RPS6KC1: variants seen among roughly 807,000 people sequenced by gnomAD.
RPS6KC1 encodes inactive ribosomal protein S6 kinase delta-1.
In RPS6KC1, 54 loss-of-function variants were observed where a neutral mutation model predicts 103.8. That is an observed-to-expected ratio of 0.52 (90% CI 0.42 to 0.65). RPS6KC1 has a LOEUF of 0.65. Among genes scored for constraint, RPS6KC1 ranks in the 30% least tolerant of loss-of-function variants. The pLI is 0.00. For missense variants in RPS6KC1, 1,151 were observed against 1,253.8 expected (o/e 0.92, Z 1.24); for synonymous variants, 439 against 438.7 (o/e 1.00, Z -0.01).
chr1:213,407,991 A>G, the RPS6KC1 span, among the ~76,000 whole-genome samples: 2 of 152,240 alleles, frequency 1.3e-5, no homozygotes, highest in Non-Finnish European at 2.9e-5. Flanking sequence ...ATGAATTCCC[A>G]TAGCTACAGA....
chr1:213,794,604 G>A, the RPS6KC1 span: 1 of 152,194 alleles, frequency 6.6e-6, no homozygotes, highest in Non-Finnish European at 1.5e-5. Context: ...TTGCATGTCT[G>A]ATGACAAGGA....
rs116767651 is a variant in RPS6KC1, at chr1:213,236,910, A to G, written c.1226-3792A>G. ...ATTATAAAACTAATTTATAAAATAA[A>G]TTCAAACAAAATAGAAGTCTATAAA... On this transcript the variant is annotated intron_variant, in intron 10 of 14. Transcript: ENST00000366960. 5.2e-3 allele frequency among the ~76,000 whole-genome samples: 796 copies of G among 152,268 alleles called. 3 individuals carry two copies. Among genetic ancestry groups the G allele is most frequent in the Non-Finnish European group, 8.7e-3 (595 of 68,008 alleles).
the RPS6KC1 span, among the ~76,000 whole-genome samples, chr1:213,296,104 C>T: frequency 2.0e-5 from 3 of 152,196 alleles, no homozygotes; most frequent in Admixed American, 1.3e-4. Flanking sequence ...TTATCTTACT[C>T]ATATCCCAAA....
chr1:213,405,897 G>A, the RPS6KC1 span, among the ~76,000 whole-genome samples: 11 of 152,190 alleles, frequency 7.2e-5, no homozygotes, highest in African/African-American at 2.4e-4. Context: ...GAAGAAATGG[G>A]CAGTGTGGGG....
the RPS6KC1 span, among the ~76,000 whole-genome samples, chr1:213,793,274 G>A: frequency 9.9e-5 from 15 of 152,188 alleles, no homozygotes; most frequent in African/African-American, 3.4e-4. Flanking sequence ...GGGTCCTCAC[G>A]TAGGTGAAAA....
At chr1:213,730,353 C>G in the RPS6KC1 span, among the ~76,000 whole-genome samples, 1 of 152,200 alleles carries the variant, frequency 6.6e-6, no homozygotes, top group Admixed American at 6.5e-5. Flanking sequence ...ATCACATTGT[C>G]TTCCACAATG....
the RPS6KC1 span, among the ~76,000 whole-genome samples, chr1:213,727,723 A>T: frequency 6.6e-6 from 1 of 152,238 alleles, no homozygotes; most frequent in Non-Finnish European, 1.5e-5. Context: ...ATATGAAAAA[A>T]AAATTAAAAG....
the RPS6KC1 span, among the ~76,000 whole-genome samples, chr1:213,629,210 G>T: frequency 6.6e-6 from 1 of 152,022 alleles, no homozygotes; most frequent in South Asian, 2.1e-4. Context: ...ATTAATGTGT[G>T]GGAGTCTAAG....
the RPS6KC1 span, among the ~76,000 whole-genome samples, chr1:213,553,675 A>C: frequency 6.6e-6 from 1 of 152,028 alleles, no homozygotes; most frequent in African/African-American, 2.4e-5. Flanking sequence ...TTTTCTCCGC[A>C]ACATTGTCAG....
chr1:213,783,045 G>A, the RPS6KC1 span, among the ~76,000 whole-genome samples: 1 of 152,202 alleles, frequency 6.6e-6, no homozygotes, highest in Non-Finnish European at 1.5e-5. Flanking sequence ...TCAAGACCAA[G>A]AGGTATGAAC....
At chr1:213,697,610 A>C in the RPS6KC1 span, among the ~76,000 whole-genome samples, 2 of 152,192 alleles carry the variant, frequency 1.3e-5, no homozygotes, top group African/African-American at 4.8e-5. Context: ...GCCTTACCAG[A>C]GTTCAGAAGT....
At chr1:213,190,431 A>G (rs942980281) in intron 8 of RPS6KC1, among the ~76,000 whole-genome samples, 3 of 152,056 alleles carry the variant, frequency 2.0e-5, no homozygotes, top group African/African-American at 7.2e-5. Flanking sequence ...TTATATGCCT[A>G]TTTGCCATTT....
the RPS6KC1 span, among the ~76,000 whole-genome samples, chr1:213,346,550 A>C: frequency 6.6e-6 from 1 of 152,206 alleles, no homozygotes; most frequent in African/African-American, 2.4e-5. Context: ...GAAAGTGGTT[A>C]TCTCGGAGTA....
At chr1:213,117,588 G>C (rs2083810029) in intron 5 of RPS6KC1, among the ~76,000 whole-genome samples, 178 bp downstream of exon 5, 1 of 151,656 alleles carries the variant, frequency 6.6e-6, no homozygotes, top group African/African-American at 2.4e-5. Context: ...TATTGGGTCA[G>C]GCATATCTCA....
intron 10 of RPS6KC1, among the ~76,000 whole-genome samples, chr1:213,233,586 G>A (rs2094152583): frequency 6.6e-6 from 1 of 152,020 alleles, no homozygotes; most frequent in Admixed American, 6.6e-5. Flanking sequence ...GTTATTTGTA[G>A]CAATATCTTC....
At chr1:213,797,401 C>A in the RPS6KC1 span, among the ~76,000 whole-genome samples, 2 of 152,172 alleles carry the variant, frequency 1.3e-5, no homozygotes, top group Non-Finnish European at 2.9e-5. Context: ...GTGGTAACTA[C>A]TTTTATTTAG....
chr1:213,544,165 G>C, the RPS6KC1 span, among the ~76,000 whole-genome samples: 1 of 152,186 alleles, frequency 6.6e-6, no homozygotes, highest in Non-Finnish European at 1.5e-5. Context: ...ATAAGGTTAA[G>C]TGGAAGGATG....
chr1:213,230,356 TA>T (rs904005048), intron 8 of RPS6KC1, 140 bp from the exon 9 acceptor site: 4 of 469,738 alleles, frequency 8.5e-6, no homozygotes, highest in Middle Eastern at 5.7e-4. Context: ...TTTGCTGACT[TA>T]AAAAAATTTA....
At chr1:213,167,033 C>T (rs1200259642) in intron 6 of RPS6KC1, among the ~76,000 whole-genome samples, 1 of 152,140 alleles carries the variant, frequency 6.6e-6, no homozygotes, top group Admixed American at 6.5e-5. Context: ...ATTTATAGCT[C>T]GAATAACAGA....
Sources: allele counts gnomAD v4.1 joint callset (sites outside exome capture counted in the v4.1 genomes callset), GRCh38; gene constraint gnomAD v4.1.1; transcripts MANE v1.5; gene names NCBI Gene and HGNC (gene_info 2026-07-23, HGNC 2026-07-21).